RIN2: variants seen among roughly 807,000 people sequenced by gnomAD.
RIN2 encodes the protein Ras and Rab interactor 2, also known as RAB5 interacting protein 2.
Under a neutral mutation model 78.0 loss-of-function variants are expected in RIN2, and 36 were observed. The observed-to-expected ratio is 0.46, with a 90% CI of 0.35 to 0.61. The LOEUF is 0.61. Among genes scored for constraint, RIN2 ranks in the 20% least tolerant of loss-of-function variants. The pLI is 0.00. For synonymous variants in RIN2, 466 were observed against 466.8 expected (o/e 1.00, Z 0.02); for missense variants, 1,087 against 1,159.7 (o/e 0.94, Z 0.91).
chr20:19,785,270 C>CTACA (rs931502763), intron 1 of RIN2, among the ~76,000 whole-genome samples: 10 of 142,532 alleles, frequency 7.0e-5, no homozygotes, highest in Middle Eastern at 3.5e-3. Flanking sequence ...TCTCACCCCT[C>CTACA]TACATACACA....
At chr20:19,796,715 C>T (rs986384362) in intron 1 of RIN2, among the ~76,000 whole-genome samples, 5 of 152,206 alleles carry the variant, frequency 3.3e-5, no homozygotes, top group African/African-American at 1.2e-4. Context: ...TTGGGATGTA[C>T]TCTGGGCTTG....
At chr20:19,963,217 G>A (rs778071268) in intron 6 of RIN2, among the ~76,000 whole-genome samples, 10 of 152,136 alleles carry the variant, frequency 6.6e-5, no homozygotes, top group Admixed American at 4.6e-4. Flanking sequence ...TGTGGCACAC[G>A]TGTGTTTGTT....
At chr20:19,900,358 C>T (rs951205896) in intron 3 of RIN2, among the ~76,000 whole-genome samples, 6 of 151,956 alleles carry the variant, frequency 3.9e-5, no homozygotes, top group East Asian at 1.9e-4. Context: ...GTGGTGCATG[C>T]CTATAGTCCC....
rs1019049063 is a variant in RIN2 at position 19,984,865 on chromosome 20, T to G, written c.1763-5141T>G. 5.3e-5 allele frequency among the ~76,000 whole-genome samples: 8 copies of G among 152,312 alleles called. No individual in the cohort carries two copies. The South Asian group carries it at 1.7e-3, about 32-fold the overall frequency. On this transcript the variant is annotated intron_variant, in intron 9 of 12. Coordinates refer to ENST00000255006, the MANE Select transcript of RIN2 (RefSeq NM_018993.4). ...GAAGCATGTGATTATATTACATGGT[T>G]TAGACTCTGGGTGTGGTTAGATTCC... is the stretch of plus-strand genomic sequence containing the variant.
chr20:19,931,459 C>T (rs2040435946), intron 3 of RIN2, among the ~76,000 whole-genome samples: 1 of 152,104 alleles, frequency 6.6e-6, no homozygotes, highest in African/African-American at 2.4e-5. Flanking sequence ...TATTTTAAAA[C>T]CTAACATAGA....
chr20:19,916,563 C>A (rs1393224037), intron 3 of RIN2, among the ~76,000 whole-genome samples: 1 of 152,088 alleles, frequency 6.6e-6, no homozygotes, highest in Admixed American at 6.6e-5. Context: ...AGGCTGCACT[C>A]CAGCTCCAGC....
At chr20:19,826,853 A>C (rs1464355850) in intron 2 of RIN2, among the ~76,000 whole-genome samples, 1 of 152,104 alleles carries the variant, frequency 6.6e-6, no homozygotes, top group Non-Finnish European at 1.5e-5. Context: ...TCTTGCTAAA[A>C]AGGTGTCATT....
intron 2 of RIN2, among the ~76,000 whole-genome samples, chr20:19,883,989 T>TAGGG (rs11472064): frequency 0.19 from 29,208 of 151,380 alleles, 3,105 homozygotes; most frequent in Middle Eastern, 0.37. Flanking sequence ...ATGTGAAAGA[T>TAGGG]AGGGTTTCAC....
intron 2 of RIN2, among the ~76,000 whole-genome samples, chr20:19,887,237 TA>T (rs1363568988): frequency 1.3e-5 from 2 of 151,948 alleles, no homozygotes; most frequent in African/African-American, 4.8e-5. Context: ...TTGCCCAGAC[TA>T]GTCTCAAACT....
intron 1 of RIN2, among the ~76,000 whole-genome samples, chr20:19,763,548 TG>T (rs2033740579): frequency 6.6e-6 from 1 of 152,148 alleles, no homozygotes; most frequent in Non-Finnish European, 1.5e-5. Context: ...AATGAATGAA[TG>T]ATTAAATGAC....
rs151005105 is a variant in RIN2, at chr20:19,968,350, T to C, written c.537-2488T>C. ...CATGTTTTAACTCTTGGGTGAAACA[T>C]TTATATCTAAGATGATGGCTTTTGT... On this transcript the variant is annotated intron_variant, in intron 7 of 12. Coordinates refer to ENST00000255006, the MANE Select transcript of RIN2 (RefSeq NM_018993.4). Among the ~76,000 whole-genome samples the C allele has an allele frequency of 3.3e-5, 5 of 152,314 alleles. No homozygotes were observed. The East Asian group carries it at 9.7e-4, about 29-fold the overall frequency.
At chr20:19,805,805 G>A (rs2122750196) in intron 2 of RIN2, among the ~76,000 whole-genome samples, 1 of 152,074 alleles carries the variant, frequency 6.6e-6, no homozygotes, top group Admixed American at 6.5e-5. Flanking sequence ...TGCCATGGTG[G>A]TTTGCTGCAC....
chr20:19,832,566 T>C (rs1482052112), intron 2 of RIN2, among the ~76,000 whole-genome samples: 1 of 151,706 alleles, frequency 6.6e-6, no homozygotes, highest in Non-Finnish European at 1.5e-5. Flanking sequence ...CCAGCCCTGA[T>C]CACCCCGGGG....
At chr20:19,964,290 AAG>A (rs1491239667) in intron 6 of RIN2, among the ~76,000 whole-genome samples, 2 of 151,688 alleles carry the variant, frequency 1.3e-5, no homozygotes, top group Non-Finnish European at 2.9e-5. Flanking sequence ...GAAAAAAAAA[AAG>A]AGAGATGTAG....
At chr20:19,809,912 T>A (rs2035533882) in intron 2 of RIN2, among the ~76,000 whole-genome samples, 1 of 151,560 alleles carries the variant, frequency 6.6e-6, no homozygotes, top group Non-Finnish European at 1.5e-5. Flanking sequence ...CAGAGGGAGA[T>A]CCTCTGCCAC....
chr20:19,903,806 G>C (rs1021048241), intron 3 of RIN2, among the ~76,000 whole-genome samples: 2 of 152,180 alleles, frequency 1.3e-5, no homozygotes, highest in African/African-American at 2.4e-5. Flanking sequence ...AGGCTTTCCA[G>C]AAGTAAAGGA....
At chr20:19,814,984 A>G (rs547924445) in intron 2 of RIN2, among the ~76,000 whole-genome samples, 3 of 152,212 alleles carry the variant, frequency 2.0e-5, no homozygotes, top group Non-Finnish European at 4.4e-5. Context: ...TTTATGTTTT[A>G]TAAGCTTGAT....
rs546056798 is a variant in RIN2 at position 19,999,275 on chromosome 20, T to C, written c.2365-1338T>C. ...AAACAGGGATTATGTAGACCCTGTC[T>C]CTTAAAAAAAAAGGTTCAAAGAGTG... is the stretch of plus-strand genomic sequence containing the variant. On this transcript the variant is annotated intron_variant, in intron 12 of 12. Transcript: ENST00000255006. Among the ~76,000 whole-genome samples, 32 of 151,678 alleles carry C rather than the reference T, an allele frequency of 2.1e-4. No homozygotes were observed. In the South Asian group the frequency reaches 4.6e-3, roughly 22 times the overall value.
chr20:19,889,550 A>AT lies in RIN2; in HGVS notation c.-36-15dup. 2 of 1,547,084 alleles carry AT rather than the reference A, an allele frequency of 1.3e-6. No individual in the cohort carries two copies. The highest frequency in any genetic ancestry group is 2.7e-5 in the African/African-American group (2 of 73,070). On this transcript the variant is annotated splice_polypyrimidine_tract_variant and intron_variant, in intron 2 of 12. Coordinates refer to ENST00000255006, the MANE Select transcript of RIN2 (RefSeq NM_018993.4). Reference sequence around the variant, plus strand: ...CTACAGGCTGGACTAACCATTAAAAATGTCTCTACCTTCAGGAGTCCCCGG... The same window carrying AT: ...CTACAGGCTGGACTAACCATTAAAAATTGTCTCTACCTTCAGGAGTCCCCGG...
Sources: allele counts gnomAD v4.1 joint callset (sites outside exome capture counted in the v4.1 genomes callset), GRCh38; gene constraint gnomAD v4.1.1; transcripts MANE v1.5; gene names NCBI Gene and HGNC (gene_info 2026-07-23, HGNC 2026-07-21).